Variants in CHCHD3 observed in about 807,000 individuals in gnomAD.
CHCHD3 encodes the protein coiled-coil-helix-coiled-coil-helix domain containing 3.
In CHCHD3, 20 loss-of-function variants were observed where a neutral mutation model predicts 38.2. That is an observed-to-expected ratio of 0.52 (90% CI 0.37 to 0.76). The LOEUF is 0.76. Ranked by LOEUF, CHCHD3 falls within the 30% of genes least tolerant of loss-of-function variation. The pLI, the probability that CHCHD3 is intolerant of heterozygous loss-of-function variation, is 0.00. For missense variants in CHCHD3, 245 were observed against 279.2 expected (o/e 0.88, Z 0.87); for synonymous variants, 82 against 100.0 (o/e 0.82, Z 1.07).
intron 4 of CHCHD3, among the ~76,000 whole-genome samples, chr7:132,948,974 A>T (rs894610617): frequency 4.6e-5 from 7 of 152,194 alleles, no homozygotes; most frequent in Admixed American, 2.0e-4. Flanking sequence ...TAACTAGGAA[A>T]ATAATAGTAT....
chr7:132,937,284 T>A (rs565563253), intron 4 of CHCHD3, among the ~76,000 whole-genome samples: 1 of 152,332 alleles, frequency 6.6e-6, no homozygotes. Flanking sequence ...GATTTGCTCA[T>A]GTATACAGCT....
rs1018463959 is a variant in CHCHD3 at position 132,846,603 on chromosome 7, A to G, written c.454-8134T>C. ...CCTAGTCCATAAGCTCCATAAGCAT[A>G]CCTAGGAGTAGGTATCTTGTCCTAT... On this transcript the variant is annotated intron_variant, in intron 5 of 7. Transcript: ENST00000262570. 2.6e-5 allele frequency among the ~76,000 whole-genome samples: 4 copies of G among 152,234 alleles called. No homozygotes were observed. The South Asian group carries it at 8.3e-4, about 32-fold the overall frequency.
Position 132,839,221 on chromosome 7 carries a change from G to A in CHCHD3, c.454-752C>T, listed in dbSNP as rs1807877725. 4.6e-5 allele frequency among the ~76,000 whole-genome samples: 7 copies of A among 152,066 alleles called. No individual in the cohort carries two copies. In the South Asian group the frequency reaches 1.5e-3, roughly 32 times the overall value. ...AAAAAAAAAAAGTTTTCTTTATGGA[G>A]CTTAAGTTGTTCTATCATTTCCACG... On this transcript the variant is annotated intron_variant, in intron 5 of 7. Coordinates refer to ENST00000262570, the MANE Select transcript of CHCHD3 (RefSeq NM_017812.4).
intron 3 of CHCHD3, chr7:133,022,314 G>A (rs970880083): frequency 9.2e-6 from 4 of 436,528 alleles, no homozygotes; most frequent in Admixed American, 2.6e-5. Context: ...TTGGCACGCA[G>A]GGTATATACC....
intron 4 of CHCHD3, among the ~76,000 whole-genome samples, chr7:132,899,524 A>G (rs1007258270): frequency 1.8e-4 from 27 of 152,204 alleles, no homozygotes; most frequent in African/African-American, 6.0e-4. Context: ...AGCAAACATC[A>G]ACTTCCACTT....
intron 5 of CHCHD3, among the ~76,000 whole-genome samples, chr7:132,862,294 T>C (rs1808515256): frequency 6.6e-6 from 1 of 152,152 alleles, no homozygotes; most frequent in Non-Finnish European, 1.5e-5. Context: ...GAAAACTGAA[T>C]ACAGGCATAC....
intron 4 of CHCHD3, among the ~76,000 whole-genome samples, chr7:132,892,138 C>A (rs534631503): frequency 6.6e-6 from 1 of 152,132 alleles, no homozygotes; most frequent in African/African-American, 2.4e-5. Flanking sequence ...AATGGACAGA[C>A]GTTGGGACAA....
intron 4 of CHCHD3, among the ~76,000 whole-genome samples, chr7:132,896,939 G>A (rs1318964012): frequency 2.0e-5 from 3 of 152,208 alleles, no homozygotes; most frequent in Non-Finnish European, 4.4e-5. Context: ...TGGACTTAGA[G>A]CAGGAAGGGG....
intron 2 of CHCHD3, among the ~76,000 whole-genome samples, chr7:133,052,412 A>T (rs922364249): frequency 1.3e-5 from 2 of 152,252 alleles, no homozygotes; most frequent in African/African-American, 4.8e-5. Flanking sequence ...CATACTTGAA[A>T]TAGTGAATAA....
chr7:132,883,913 T>C (rs1562895870), intron 5 of CHCHD3, among the ~76,000 whole-genome samples: 1 of 152,210 alleles, frequency 6.6e-6, no homozygotes, highest in Non-Finnish European at 1.5e-5. Flanking sequence ...TCTTCACCTG[T>C]GGAAAAACCT....
chr7:132,881,842 C>G (rs763256006), intron 5 of CHCHD3, among the ~76,000 whole-genome samples: 1 of 152,124 alleles, frequency 6.6e-6, no homozygotes, highest in Non-Finnish European at 1.5e-5. Flanking sequence ...CATCACAATA[C>G]AGAAGAAAAT....
chr7:133,066,256 C>CTTT (rs11451085), intron 2 of CHCHD3, among the ~76,000 whole-genome samples: 1 of 142,886 alleles, frequency 7.0e-6, no homozygotes, highest in African/African-American at 2.6e-5. Flanking sequence ...AGATGGCATA[C>CTTT]TTTTTTTTTT....
chr7:133,021,558 T>C (rs1183377755), intron 3 of CHCHD3, among the ~76,000 whole-genome samples: 1 of 152,172 alleles, frequency 6.6e-6, no homozygotes, highest in African/African-American at 2.4e-5. Context: ...ATTTCAGTCT[T>C]CCAACTAAAT....
intron 4 of CHCHD3, among the ~76,000 whole-genome samples, chr7:132,914,319 C>G (rs947794481): frequency 1.3e-5 from 2 of 152,148 alleles, no homozygotes; most frequent in African/African-American, 2.4e-5. Context: ...GTTTAGCAGA[C>G]AGCATCCATC....
chr7:132,818,272 A>G (rs1807256488), intron 6 of CHCHD3, among the ~76,000 whole-genome samples: 1 of 152,186 alleles, frequency 6.6e-6, no homozygotes, highest in Admixed American at 6.5e-5. Flanking sequence ...AATCTTCATA[A>G]ATGTGTCCAC....
chr7:133,035,929 C>T lies in CHCHD3; in HGVS notation c.170-11302G>A, dbSNP rs771964530. ...AGGGTCCCAGCCGCCATGGTGATTC[C>T]GCAAAGAAAGGCTGGATCCAGTCTT... On this transcript the variant is annotated intron_variant, in intron 2 of 7. Coordinates refer to ENST00000262570, the MANE Select transcript of CHCHD3 (RefSeq NM_017812.4). The surrounding 1 kb of genome is among the most constrained non-coding windows in gnomAD (Gnocchi z 4.7). 7 of 1,562,198 alleles carry T rather than the reference C, an allele frequency of 4.5e-6. No homozygotes were observed. Among genetic ancestry groups the T allele is most frequent in the Middle Eastern group, 1.7e-4 (1 of 5,996 alleles).
At chr7:133,064,507 G>A (rs1353559577) in intron 2 of CHCHD3, among the ~76,000 whole-genome samples, 1 of 152,168 alleles carries the variant, frequency 6.6e-6, no homozygotes, top group Non-Finnish European at 1.5e-5. Context: ...ACAGTGTTAT[G>A]TCTAAATGAG....
intron 4 of CHCHD3, among the ~76,000 whole-genome samples, chr7:132,910,266 T>C (rs1005057864): frequency 6.6e-6 from 1 of 152,148 alleles, no homozygotes; most frequent in Non-Finnish European, 1.5e-5. Flanking sequence ...TTCTTTTTAT[T>C]ACTGTATGAT....
chr7:133,034,717 G>C, intron 2 of CHCHD3: 1 of 1,613,518 alleles, frequency 6.2e-7, no homozygotes, highest in African/African-American at 1.3e-5. Context: ...CCAGGATCCA[G>C]TTTCCGCCAT....
Sources: gnomAD v4.1 joint callset for allele counts (sites outside exome capture counted in the v4.1 genomes callset) on GRCh38, gnomAD v4.1.1 for gene constraint, Gnocchi (gnomAD v3.1) non-coding constraint, MANE v1.5 for transcripts, NCBI Gene and HGNC (gene_info 2026-07-23, HGNC 2026-07-21) for gene names.